Variants in CBL observed in about 807,000 individuals in gnomAD.
CBL encodes Cbl proto-oncogene, also known as E3 ubiquitin-protein ligase CBL.
Under a neutral mutation model 96.9 loss-of-function variants are expected in CBL, and 45 were observed. The observed-to-expected ratio is 0.46, with a 90% confidence interval of 0.37 to 0.60. The LOEUF is 0.60. CBL is among the 20% of genes least tolerant of loss of function. CBL has a pLI of 0.00. For synonymous variants in CBL, 420 were observed against 426.8 expected, an observed-to-expected ratio of 0.98 and a Z score of 0.20; for missense variants, 1,024 against 1,143.5, an observed-to-expected ratio of 0.90 and a Z score of 1.51.
chr11:119,226,574 C>T (rs532194652), intron 1 of CBL, among the ~76,000 whole-genome samples: 1 of 152,172 alleles, frequency 6.6e-6, no homozygotes, highest in African/African-American at 2.4e-5. Context: ...TCTCTTGCCT[C>T]AGCCTCCTGA....
chr11:119,298,500 C>T lies in CBL; in HGVS notation c.2394C>T (p.Ser798=), dbSNP rs773256658. ...TCTCAGATATCTCTAATGCCAGCTC[C>T]TCCTTTGGCTGGTTGTCTCTGGATG... ...RTLSDISNAS[S]SFGWLSLDGD... Residue 798 remains serine, a synonymous_variant, in exon 15 of 16, where the codon TCC becomes TCT. Transcript: ENST00000264033. 22 of 1,614,062 alleles carry T rather than the reference C, an allele frequency of 1.4e-5. No individual in the cohort carries two copies. In the South Asian group the frequency reaches 2.2e-4, roughly 16 times the overall value.
intron 9 of CBL, among the ~76,000 whole-genome samples, chr11:119,279,307 C>T (rs1949914788): frequency 6.6e-6 from 1 of 151,758 alleles, no homozygotes; most frequent in African/African-American, 2.4e-5. Context: ...TGAGGCCAGC[C>T]TTGGCAATAT....
intron 2 of CBL, among the ~76,000 whole-genome samples, chr11:119,252,144 A>T (rs1231388745): frequency 6.6e-6 from 1 of 152,128 alleles, no homozygotes; most frequent in Admixed American, 6.6e-5. Context: ...AATGGAAAAA[A>T]AAAAAAACCT....
At chr11:119,270,436 A>ATTTTTTTTT (rs869150071) in intron 2 of CBL, among the ~76,000 whole-genome samples, 4 of 38,660 alleles carry the variant, frequency 1.0e-4, no homozygotes, top group Non-Finnish European at 1.7e-4. Context: ...ATATATATAT[A>ATTTTTTTTT]TTTTTTTTTT....
At chr11:119,250,796 C>A (rs1949664623) in intron 2 of CBL, among the ~76,000 whole-genome samples, 1 of 151,906 alleles carries the variant, frequency 6.6e-6, no homozygotes, top group Non-Finnish European at 1.5e-5. Context: ...ACTAAAAATA[C>A]AAAAATTAGC....
chr11:119,252,297 T>C (rs1949675356), intron 2 of CBL, among the ~76,000 whole-genome samples: 1 of 152,204 alleles, frequency 6.6e-6, no homozygotes, highest in South Asian at 2.1e-4. Context: ...TTTCTTAACT[T>C]GTTTCCTTAT....
At chr11:119,230,768 T>C (rs1325499180) in intron 1 of CBL, among the ~76,000 whole-genome samples, 2 of 152,248 alleles carry the variant, frequency 1.3e-5, no homozygotes, top group Non-Finnish European at 2.9e-5. Flanking sequence ...TGTGTGAGTC[T>C]GTTTCTGGAC....
intron 2 of CBL, among the ~76,000 whole-genome samples, chr11:119,244,456 C>T (rs958295295): frequency 9.2e-5 from 14 of 151,430 alleles, no homozygotes; most frequent in Non-Finnish European, 1.2e-4. Context: ...CTCACTCTGC[C>T]GTGCAGGCTG....
At chr11:119,221,778 A>AT (rs1374403312) in intron 1 of CBL, among the ~76,000 whole-genome samples, 1 of 152,132 alleles carries the variant, frequency 6.6e-6, no homozygotes, top group Non-Finnish European at 1.5e-5. Flanking sequence ...AAAAAAAAAA[A>AT]AAAAGCTTCA....
intron 2 of CBL, among the ~76,000 whole-genome samples, chr11:119,235,832 C>T (rs1194793710): frequency 1.3e-5 from 2 of 152,040 alleles, no homozygotes; most frequent in Non-Finnish European, 2.9e-5. Context: ...CAATTTTATT[C>T]CCCCTAACAT....
chr11:119,221,556 A>G (rs1487204705), intron 1 of CBL, among the ~76,000 whole-genome samples: 1 of 152,078 alleles, frequency 6.6e-6, no homozygotes, highest in East Asian at 1.9e-4. Flanking sequence ...TCGCGAGGTC[A>G]GGAATTCGAG....
At chr11:119,223,936 A>T (rs1949433489) in intron 1 of CBL, among the ~76,000 whole-genome samples, 1 of 151,890 alleles carries the variant, frequency 6.6e-6, no homozygotes, top group Non-Finnish European at 1.5e-5. Flanking sequence ...TTTTTTTTTG[A>T]GACTCTATCT....
intron 2 of CBL, among the ~76,000 whole-genome samples, chr11:119,236,671 T>C (rs992403218): frequency 6.6e-6 from 1 of 151,024 alleles, no homozygotes; most frequent in Admixed American, 6.6e-5. Flanking sequence ...TGTGTTCAAC[T>C]TTTGAGTAAC....
At chr11:119,270,032 A>G (rs1216222227) in intron 2 of CBL, among the ~76,000 whole-genome samples, 1 of 152,186 alleles carries the variant, frequency 6.6e-6, no homozygotes, top group Admixed American at 6.5e-5. Flanking sequence ...TTTATATGAC[A>G]AGAATAAACT....
chr11:119,276,862 A>G (rs1949892982), intron 6 of CBL, among the ~76,000 whole-genome samples: 1 of 152,180 alleles, frequency 6.6e-6, no homozygotes, highest in Non-Finnish European at 1.5e-5. Context: ...CAGTAGCTTA[A>G]TTTGCATATT....
chr11:119,220,930 C>T (rs1354660026), intron 1 of CBL, among the ~76,000 whole-genome samples: 1 of 151,432 alleles, frequency 6.6e-6, no homozygotes, highest in Non-Finnish European at 1.5e-5. Context: ...GATCAGTTGA[C>T]TTTAAAATAT....
intron 1 of CBL, among the ~76,000 whole-genome samples, chr11:119,216,584 A>T (rs1382241917): frequency 6.6e-6 from 1 of 151,836 alleles, no homozygotes; most frequent in Admixed American, 6.6e-5. Context: ...GTTGGCCAGG[A>T]TGGTCTCGAT....
At chr11:119,215,254 A>T (rs940952743) in intron 1 of CBL, among the ~76,000 whole-genome samples, 1 of 152,176 alleles carries the variant, frequency 6.6e-6, no homozygotes, top group African/African-American at 2.4e-5. Context: ...CAGTATACAT[A>T]TAATGAACCT....
In CBL at chr11:119,305,532, G is replaced by C. The variant is rs1262087738; in HGVS notation, c.*5751G>C. 1 of 229,494 alleles carries C rather than the reference G, an allele frequency of 4.4e-6. No homozygotes were observed. The highest frequency in any genetic ancestry group is 8.6e-6 in the Non-Finnish European group (1 of 115,722). 14.2% of individuals were successfully genotyped at this position (229,494 alleles called of 1,614,324 possible). The stretch of plus-strand genomic sequence containing the variant: ...CACCCTCTCGCTCCTTCCTGTGTGA[G>C]GGCCGCTCTGCAGTAATGTTCTCAG... On this transcript the variant is annotated 3_prime_UTR_variant, in exon 16 of 16. Transcript: ENST00000264033.
Sources: allele counts gnomAD v4.1 joint callset (sites outside exome capture counted in the v4.1 genomes callset), GRCh38; gene constraint gnomAD v4.1.1; transcripts MANE v1.5; gene names NCBI Gene and HGNC (gene_info 2026-07-23, HGNC 2026-07-21).